The following PIK3R1 variants were observed in gnomAD, a reference collection of about 807,000 sequenced individuals.
PIK3R1 encodes phosphatidylinositol 3-kinase regulatory subunit alpha.
A neutral mutation model predicts 98.0 loss-of-function variants in PIK3R1; 29 were observed. That is an observed-to-expected ratio of 0.30 (90% CI 0.22 to 0.40). The LOEUF (loss-of-function observed/expected upper bound fraction) is 0.40, where lower values mean the gene tolerates loss of function less well. Ranked by LOEUF, PIK3R1 falls within the 10% of genes least tolerant of loss-of-function variation. The pLI is 1.00. For synonymous variants in PIK3R1, 282 were observed against 311.8 expected (o/e 0.90, Z 1.01); for missense variants, 596 against 872.7 (o/e 0.68, Z 3.99).
intron 2 of PIK3R1, among the ~76,000 whole-genome samples, chr5:68,235,838 G>A (rs1744644055): frequency 6.6e-6 from 1 of 151,612 alleles, no homozygotes; most frequent in African/African-American, 2.4e-5. Flanking sequence ...TTAAACATTT[G>A]CAAACTTACT....
At chr5:68,271,922 A>G (rs1746377579) in intron 2 of PIK3R1, among the ~76,000 whole-genome samples, 1 of 152,148 alleles carries the variant, frequency 6.6e-6, no homozygotes. Context: ...AATTTGTTCT[A>G]TGTTGACTTT....
rs77735541 is a variant in PIK3R1, at chr5:68,255,320, A to G, written c.335-18070A>G. Among the ~76,000 whole-genome samples the G allele has an allele frequency of 4.6e-3, 697 of 152,358 alleles. 6 individuals carry two copies. The highest frequency in any genetic ancestry group is 0.016 in the African/African-American group (672 of 41,576). On this transcript the variant is annotated intron_variant, in intron 2 of 15. Transcript: ENST00000521381. ...AGGGAAGTTAGTGTTGTAAAGGAACAAATGGTGATTCAGGTTTGGGAGACT... is the reference window on the plus strand; with the variant it reads ...AGGGAAGTTAGTGTTGTAAAGGAACGAATGGTGATTCAGGTTTGGGAGACT...
intron 2 of PIK3R1, among the ~76,000 whole-genome samples, chr5:68,229,409 T>G (rs1744394605): frequency 6.6e-6 from 1 of 152,234 alleles, no homozygotes; most frequent in South Asian, 2.1e-4. Flanking sequence ...TTACCATAAT[T>G]GAATTCTTTA....
chr5:68,263,350 A>T (rs1003015933), intron 2 of PIK3R1, among the ~76,000 whole-genome samples: 1 of 151,294 alleles, frequency 6.6e-6, no homozygotes, highest in Non-Finnish European at 1.5e-5. Flanking sequence ...TGGCACAAAT[A>T]ACTATAGTAC....
intron 8 of PIK3R1, chr5:68,292,870 C>T: frequency 1.4e-6 from 1 of 710,182 alleles, no homozygotes; most frequent in Non-Finnish European, 2.2e-6. Flanking sequence ...GATGAGACTG[C>T]AATTGCTAAC....
At chr5:68,232,336 G>T (rs1393295300) in intron 2 of PIK3R1, among the ~76,000 whole-genome samples, 1 of 152,138 alleles carries the variant, frequency 6.6e-6, no homozygotes, top group Non-Finnish European at 1.5e-5. Context: ...TTAGCGATTT[G>T]TGTATCCGTG....
intron 4 of PIK3R1, among the ~76,000 whole-genome samples, chr5:68,276,493 A>G (rs1303048787): frequency 6.6e-6 from 1 of 152,168 alleles, no homozygotes; most frequent in Admixed American, 6.5e-5. Context: ...TTTACTGGGT[A>G]CCTGTCATGA....
chr5:68,269,106 C>T (rs1040612371), intron 2 of PIK3R1, among the ~76,000 whole-genome samples: 1 of 152,216 alleles, frequency 6.6e-6, no homozygotes, highest in African/African-American at 2.4e-5. Context: ...GCTGAATCCT[C>T]CTTTCTTTTG....
chr5:68,225,355 A>AC (rs1023584636), intron 1 of PIK3R1, among the ~76,000 whole-genome samples: 3 of 151,928 alleles, frequency 2.0e-5, no homozygotes, highest in Admixed American at 1.3e-4. Context: ...TGAATCACAG[A>AC]CCAGGGTTTC....
chr5:68,274,060 GCTTT>G (rs1176374335), intron 4 of PIK3R1, 47 bp downstream of exon 4: 1 of 1,435,988 alleles, frequency 7.0e-7, no homozygotes, highest in Non-Finnish European at 9.8e-7. Context: ...ACAGGTCTTG[GCTTT>G]CTGTTTCAGG....
At chr5:68,218,138 C>G (rs1029284267) in intron 1 of PIK3R1, among the ~76,000 whole-genome samples, 4 of 152,002 alleles carry the variant, frequency 2.6e-5, no homozygotes, top group Non-Finnish European at 5.9e-5. Context: ...CGCAGGAAAT[C>G]CTCACAGAAT....
At chr5:68,251,128 C>T (rs1056681948) in intron 2 of PIK3R1, among the ~76,000 whole-genome samples, 1 of 152,126 alleles carries the variant, frequency 6.6e-6, no homozygotes, top group Non-Finnish European at 1.5e-5. Context: ...TGATAAGGAT[C>T]CTACTTCAAC....
intron 2 of PIK3R1, among the ~76,000 whole-genome samples, chr5:68,235,064 GTTAATC>G (rs1237069151): frequency 6.6e-6 from 1 of 152,056 alleles, no homozygotes; most frequent in Non-Finnish European, 1.5e-5. Flanking sequence ...TTTAGCTATT[GTTAATC>G]TTAAACACTG....
At chr5:68,250,437 G>C (rs1042550754) in intron 2 of PIK3R1, among the ~76,000 whole-genome samples, 1 of 152,218 alleles carries the variant, frequency 6.6e-6, no homozygotes, top group South Asian at 2.1e-4. Context: ...GGCGTGGGGG[G>C]ATTAGATTAT....
rs200653607 is a variant in PIK3R1, at chr5:68,293,098, C to T, written c.1020-3C>T. ...TGAGCATTGTTTTGTGTTTTCATTT[C>T]AGGGAAGAAGTGAATGAAAAACTTC... On this transcript the variant is annotated splice_polypyrimidine_tract_variant and splice_region_variant and intron_variant, in intron 8 of 15. Transcript: ENST00000521381. 447 of 1,606,906 alleles carry T rather than the reference C, an allele frequency of 2.8e-4. No homozygotes were observed. The highest frequency in any genetic ancestry group is 3.1e-4 in the Non-Finnish European group (364 of 1,173,950).
intron 2 of PIK3R1, among the ~76,000 whole-genome samples, chr5:68,262,674 TAC>T (rs1561278262): frequency 3.6e-5 from 1 of 27,838 alleles, no homozygotes; most frequent in Non-Finnish European, 7.9e-5. Context: ...CACATGTAGA[TAC>T]ATGTATCTGC....
At chr5:68,270,676 G>A (rs754908839) in intron 2 of PIK3R1, among the ~76,000 whole-genome samples, 12 of 152,110 alleles carry the variant, frequency 7.9e-5, no homozygotes, top group Non-Finnish European at 1.3e-4. Flanking sequence ...TTGTTAGTTT[G>A]AGGGGCCTAA....
intron 7 of PIK3R1, chr5:68,290,877 G>T: frequency 7.3e-7 from 1 of 1,378,448 alleles, no homozygotes; most frequent in Non-Finnish European, 9.9e-7. Context: ...TAATTTCGTG[G>T]CTTTTTAATT....
At position 68,292,279 on chromosome 5, in the gene PIK3R1, A is replaced by G. The variant is rs750070950; in HGVS notation, c.937A>G (p.Lys313Glu). ...TGCAGCACTGCCTCCTAAACCACCA[A>G]AACCTACTACTGTAGCCAACAACGG... The part of the protein sequence containing the change: ...PAPALPPKPP[K>E]PTTVANNGMN... The change falls in exon 8 of 16, where the codon AAA becomes GAA. Residue 313 changes from lysine (K) to glutamate (E), a missense_variant. Physicochemically the swap from Lys to Glu is moderately conservative, Grantham distance 56 (BLOSUM62 1). Around this residue, in one of 3 missense-constraint regions of PIK3R1, gnomAD observed 352 missense variants for 393.3 expected, o/e 0.90. Coordinates refer to ENST00000521381, the MANE Select transcript of PIK3R1 (RefSeq NM_181523.3). The G allele has an allele frequency of 6.2e-7, 1 of 1,613,400 alleles. No homozygotes were observed. Among genetic ancestry groups the G allele is most frequent in the South Asian group, 1.1e-5 (1 of 91,036 alleles).
Sources: gnomAD v4.1 joint callset for allele counts (sites outside exome capture counted in the v4.1 genomes callset) on GRCh38, gnomAD v4.1.1 for gene constraint, gnomAD v4.1.1 regional missense constraint, MANE v1.5 for transcripts, NCBI Gene and HGNC (gene_info 2026-07-23, HGNC 2026-07-21) for gene names.